CWF19L2: variants seen among roughly 807,000 people sequenced by gnomAD.
CWF19L2 encodes the protein CWF19 like cell cycle control factor 2, also known as CWF19-like protein 2.
Under a neutral mutation model 111.7 loss-of-function variants are expected in CWF19L2, and 98 were observed. The ratio of observed to expected loss-of-function variants is 0.88; its 90% confidence interval spans 0.75 to 1.04. The LOEUF is 1.04. Among genes scored for constraint, CWF19L2 ranks in the 50% least tolerant of loss-of-function variants. CWF19L2 has a pLI of 0.00. For synonymous variants in CWF19L2, 351 were observed against 342.9 expected, an observed-to-expected ratio of 1.02 and a Z score of -0.26; for missense variants, 1,101 against 1,051.4, an observed-to-expected ratio of 1.05 and a Z score of -0.65.
At position 107,358,039 on chromosome 11, in the gene CWF19L2, A is replaced by T. The variant is rs559728991; in HGVS notation, c.1873-4303T>A. The stretch of plus-strand genomic sequence containing the variant: ...CATAAACACAAACTAAATGACAGTG[A>T]GTTAGCCATTTCACACTCACTAGGA... On this transcript the variant is annotated intron_variant, in intron 12 of 17. Coordinates refer to ENST00000282251, the MANE Select transcript of CWF19L2 (RefSeq NM_152434.3). Among the ~76,000 whole-genome samples, 9 of 152,348 alleles carry T rather than the reference A, an allele frequency of 5.9e-5. 1 individual carries two copies. The East Asian group carries it at 1.7e-3, about 29-fold the overall frequency.
At chr11:107,404,553 G>A (rs1158207722) in intron 10 of CWF19L2, 5 of 668,026 alleles carry the variant, frequency 7.5e-6, no homozygotes, top group African/African-American at 5.4e-5. Context: ...GCAGGAGCTG[G>A]GGTGGGAGGT....
intron 9 of CWF19L2, among the ~76,000 whole-genome samples, chr11:107,417,490 T>C (rs1033908873): frequency 1.3e-5 from 2 of 152,198 alleles, no homozygotes; most frequent in African/African-American, 2.4e-5. Flanking sequence ...AATAAATGAC[T>C]TAATCCTCCT....
chr11:107,456,188 G>A (rs1009150080), intron 1 of CWF19L2, among the ~76,000 whole-genome samples: 1 of 151,998 alleles, frequency 6.6e-6, no homozygotes, highest in African/African-American at 2.4e-5. Context: ...CCAATACCCA[G>A]CCCCAAAAAT....
intron 12 of CWF19L2, among the ~76,000 whole-genome samples, chr11:107,369,656 A>C (rs1860480986): frequency 7.2e-6 from 1 of 138,242 alleles, no homozygotes; most frequent in South Asian, 2.4e-4. Context: ...GAAAGTAAGG[A>C]CACTGATTCC....
chr11:107,346,754 G>T (rs1395016381), intron 14 of CWF19L2, among the ~76,000 whole-genome samples: 1 of 152,160 alleles, frequency 6.6e-6, no homozygotes, highest in African/African-American at 2.4e-5. Context: ...GAAAACAGGG[G>T]TGTTATCAGA....
intron 12 of CWF19L2, among the ~76,000 whole-genome samples, chr11:107,360,593 T>C (rs1860312592): frequency 3.9e-5 from 6 of 152,212 alleles, no homozygotes; most frequent in Admixed American, 3.9e-4. Flanking sequence ...CCAATTTACA[T>C]TCCCCACAAC....
intron 13 of CWF19L2, among the ~76,000 whole-genome samples, chr11:107,353,044 T>C (rs928269456): frequency 4.6e-5 from 7 of 152,104 alleles, no homozygotes; most frequent in African/African-American, 1.7e-4. Context: ...TTTACTAAAG[T>C]TCCTCAGAGA....
At chr11:107,379,670 A>G (rs1860652134) in intron 12 of CWF19L2, among the ~76,000 whole-genome samples, 2 of 152,226 alleles carry the variant, frequency 1.3e-5, no homozygotes, top group East Asian at 1.9e-4. Flanking sequence ...AAAAATATTA[A>G]TGTCTTCTAA....
At chr11:107,403,485 C>G in intron 10 of CWF19L2, 1 of 835,402 alleles carries the variant, frequency 1.2e-6, no homozygotes, top group Non-Finnish European at 2.1e-6. Context: ...GTGTTACTAT[C>G]ACTGGTTCCT....
rs1265994483 is a variant in CWF19L2, at chr11:107,329,983, CA to C, written c.2475del (p.Phe825LeufsTer26). ...PRGLPYFSVDFGLHGGFAHVI... is the reference protein window; with the variant it reads ...PRGLPYFSVDXGLHGGFAHVI... ...ACATGGGCAAACCCTCCGTGAAGGC[CA>C]AAATCCACAGAGAAGTAAGGTAACC... On this transcript the variant is annotated frameshift_variant, in exon 17 of 18. Coordinates refer to ENST00000282251, the MANE Select transcript of CWF19L2 (RefSeq NM_152434.3). LOFTEE classifies it high-confidence loss of function. 1.3e-6 allele frequency: 2 copies of C among 1,587,590 alleles called. No individual in the cohort carries two copies. Among genetic ancestry groups the C allele is most frequent in the East Asian group, 2.3e-5 (1 of 43,920 alleles).
At chr11:107,415,521 T>C (rs913372262) in intron 10 of CWF19L2, among the ~76,000 whole-genome samples, 1 of 152,204 alleles carries the variant, frequency 6.6e-6, no homozygotes, top group African/African-American at 2.4e-5. Flanking sequence ...ATAGATGAAT[T>C]AATCATAGAC....
intron 3 of CWF19L2, among the ~76,000 whole-genome samples, chr11:107,445,412 T>C (rs926689308): frequency 2.0e-5 from 3 of 152,052 alleles, no homozygotes; most frequent in Non-Finnish European, 4.4e-5. Context: ...GAGACCAGCC[T>C]GGCCAAGATG....
chr11:107,457,186 G>A (rs1201321327), intron 1 of CWF19L2, among the ~76,000 whole-genome samples: 2 of 152,168 alleles, frequency 1.3e-5, no homozygotes, highest in Non-Finnish European at 2.9e-5. Context: ...TTTTGTGACA[G>A]GCTAAATATA....
At position 107,371,151 on chromosome 11, in the gene CWF19L2, C is replaced by T. The variant is rs1243155103; in HGVS notation, c.1873-17415G>A. Among the ~76,000 whole-genome samples, 2 of 133,712 alleles carry T rather than the reference C, an allele frequency of 1.5e-5. 1 individual carries two copies. Among genetic ancestry groups the T allele is most frequent in the African/African-American group, 6.1e-5 (2 of 32,924 alleles). The allele number at this position is 133,712 out of a possible 152,430, so 87.7% of individuals were successfully genotyped here. ...TCCTGAGTAGCTGGGACTACAGGCA[C>T]CTGCCACCATGCCGGCTAATTTTTT... is the stretch of plus-strand genomic sequence containing the variant. On this transcript the variant is annotated intron_variant, in intron 12 of 17. Coordinates refer to ENST00000282251, the MANE Select transcript of CWF19L2 (RefSeq NM_152434.3).
intron 10 of CWF19L2, among the ~76,000 whole-genome samples, chr11:107,415,481 G>A (rs980101308): frequency 6.6e-6 from 1 of 152,094 alleles, no homozygotes; most frequent in Non-Finnish European, 1.5e-5. Flanking sequence ...CATGCAGGTA[G>A]GTGTTTTTAT....
At position 107,334,899 on chromosome 11, in the gene CWF19L2, T is replaced by A. The variant is rs1177273244; in HGVS notation, c.2421A>T (p.Ser807=). The change falls in exon 16 of 18, where the codon TCA becomes TCT. Residue 807 remains serine, a synonymous_variant. Coordinates refer to ENST00000282251, the MANE Select transcript of CWF19L2 (RefSeq NM_152434.3). The part of the protein sequence containing the change: ...SMNKKLIDLS[S]KDIRKSVPRG... ...TACTTACAGACTTTCTGATATCTTT[T>A]GAAGAGAGATCTATCAACTTCTTGT... 6 of 1,601,030 alleles carry A rather than the reference T, an allele frequency of 3.7e-6. No individual in the cohort carries two copies. In the South Asian group the frequency reaches 6.6e-5, roughly 18 times the overall value.
chr11:107,383,653 T>G (rs556528), intron 12 of CWF19L2, among the ~76,000 whole-genome samples: 123,631 of 152,152 alleles, frequency 0.81, 50,860 homozygotes, highest in African/African-American at 0.94. Flanking sequence ...AGAAAGATAT[T>G]CTATTAAAGA....
At chr11:107,392,044 C>T (rs1042010411) in intron 11 of CWF19L2, among the ~76,000 whole-genome samples, 1 of 152,122 alleles carries the variant, frequency 6.6e-6, no homozygotes, top group African/African-American at 2.4e-5. Flanking sequence ...TCCTCCTGCA[C>T]CTCCTCTCCA....
At chr11:107,454,850 C>A (rs894831074) in intron 2 of CWF19L2, among the ~76,000 whole-genome samples, 2 of 152,038 alleles carry the variant, frequency 1.3e-5, no homozygotes, top group African/African-American at 4.8e-5. Flanking sequence ...CAAATATAAT[C>A]AAATAAACAC....
Sources: allele counts gnomAD v4.1 joint callset (sites outside exome capture counted in the v4.1 genomes callset), GRCh38; gene constraint gnomAD v4.1.1; transcripts MANE v1.5; gene names NCBI Gene and HGNC (gene_info 2026-07-23, HGNC 2026-07-21).